The following DCC variants were observed in gnomAD, a reference collection of about 807,000 sequenced individuals.
The protein encoded by DCC is netrin receptor DCC.
A neutral mutation model predicts 172.5 loss-of-function variants in DCC; 58 were observed. The observed-to-expected ratio is 0.34, with a 90% confidence interval of 0.27 to 0.42. The LOEUF is 0.42. Ranked by LOEUF, DCC falls within the 10% of genes least tolerant of loss-of-function variation. The pLI, the probability that DCC is intolerant of heterozygous loss-of-function variation, is 1.00. For missense variants in DCC, 1,740 were observed against 1,791.0 expected (o/e 0.97, Z 0.51); for synonymous variants, 709 against 644.5 (o/e 1.10, Z -1.52).
chr18:53,065,034 T>C (rs926043989), intron 6 of DCC, among the ~76,000 whole-genome samples: 5 of 152,214 alleles, frequency 3.3e-5, no homozygotes, highest in African/African-American at 1.2e-4. Context: ...TATTGCCCGA[T>C]TTGCATTAAA....
At chr18:53,433,100 C>T (rs1911725402) in intron 21 of DCC, among the ~76,000 whole-genome samples, 1 of 152,078 alleles carries the variant, frequency 6.6e-6, no homozygotes, top group Admixed American at 6.6e-5. Flanking sequence ...CATCAATATA[C>T]TAGATTCTGT....
chr18:52,541,650 G>A (rs2032449847), intron 1 of DCC, among the ~76,000 whole-genome samples: 1 of 151,982 alleles, frequency 6.6e-6, no homozygotes, highest in East Asian at 1.9e-4. Flanking sequence ...TCATGGAACA[G>A]CGTGGAGAAC....
chr18:53,383,959 T>A (rs1345548635), intron 15 of DCC, among the ~76,000 whole-genome samples: 1 of 152,164 alleles, frequency 6.6e-6, no homozygotes, highest in Non-Finnish European at 1.5e-5. Context: ...TCTTTGCATA[T>A]ACTGTCATTA....
At chr18:53,181,411 C>CT (rs201013582) in intron 9 of DCC, among the ~76,000 whole-genome samples, 19,203 of 128,934 alleles carry the variant, frequency 0.15, 1,896 homozygotes, top group African/African-American at 0.3. Context: ...AATTTTACTT[C>CT]TTTTTTTTTT....
chr18:52,890,105 ATC>A (rs1485059597), intron 2 of DCC, among the ~76,000 whole-genome samples: 2 of 152,280 alleles, frequency 1.3e-5, no homozygotes, highest in East Asian at 3.9e-4. Flanking sequence ...TCTATGCAAT[ATC>A]AACAAAGAAA....
intron 7 of DCC, among the ~76,000 whole-genome samples, chr18:53,140,197 A>G (rs2144346413): frequency 6.6e-6 from 1 of 152,298 alleles, no homozygotes; most frequent in African/African-American, 2.4e-5. Context: ...GTGTTTCTAT[A>G]AATAAAACTA....
chr18:53,476,114 C>T lies in DCC; in HGVS notation c.3736+8104C>T, dbSNP rs201774120. On this transcript the variant is annotated intron_variant, in intron 25 of 28. Coordinates refer to ENST00000442544, the MANE Select transcript of DCC (RefSeq NM_005215.4). ...TTGGAACGGCTGTATTTACCAAATG[C>T]CTGTAACCCCATTTTATATAGGAAG... 3.3e-5 allele frequency among the ~76,000 whole-genome samples: 5 copies of T among 152,266 alleles called. No homozygotes were observed. In the East Asian group the frequency reaches 9.7e-4, roughly 29 times the overall value.
At chr18:53,075,069 T>C (rs1203402135) in intron 7 of DCC, among the ~76,000 whole-genome samples, 1 of 149,642 alleles carries the variant, frequency 6.7e-6, no homozygotes, top group Non-Finnish European at 1.5e-5. Context: ...ATGGATAAAA[T>C]GATAGCTTTC....
At chr18:52,659,471 C>A (rs757860673) in intron 1 of DCC, among the ~76,000 whole-genome samples, 3 of 152,082 alleles carry the variant, frequency 2.0e-5, no homozygotes, top group Non-Finnish European at 4.4e-5. Context: ...CTCTAATGCC[C>A]TGCTTTTTAT....
intron 3 of DCC, among the ~76,000 whole-genome samples, chr18:52,918,080 T>C (rs2040067351): frequency 6.6e-6 from 1 of 152,158 alleles, no homozygotes; most frequent in South Asian, 2.1e-4. Context: ...AAATATGCCA[T>C]AGATACATAT....
At chr18:53,307,173 T>A (rs2057210679) in intron 13 of DCC, among the ~76,000 whole-genome samples, 1 of 152,178 alleles carries the variant, frequency 6.6e-6, no homozygotes, top group South Asian at 2.1e-4. Context: ...ACTTCCAAAG[T>A]AGATTGCCAA....
chr18:52,415,045 A>G (rs898376745), intron 1 of DCC, among the ~76,000 whole-genome samples: 2 of 152,222 alleles, frequency 1.3e-5, no homozygotes, highest in Non-Finnish European at 2.9e-5. Flanking sequence ...AAAGACTGAC[A>G]TGGGCTTCCC....
intron 11 of DCC, among the ~76,000 whole-genome samples, chr18:53,213,365 C>T (rs990284942): frequency 6.6e-6 from 1 of 152,038 alleles, no homozygotes; most frequent in South Asian, 2.1e-4. Flanking sequence ...TAAGAAGTGA[C>T]TCGGCCGGGC....
intron 15 of DCC, among the ~76,000 whole-genome samples, chr18:53,377,977 TA>T (rs780489318): frequency 2.0e-5 from 3 of 152,192 alleles, no homozygotes; most frequent in Admixed American, 2.0e-4. Context: ...TTAATTAATT[TA>T]TTTTTTTAAG....
chr18:53,017,628 A>G (rs904075544), intron 5 of DCC, among the ~76,000 whole-genome samples: 2 of 152,206 alleles, frequency 1.3e-5, no homozygotes, highest in Admixed American at 6.5e-5. Context: ...ACAATGGTCC[A>G]TAAAGTTATG....
At chr18:52,953,167 T>A (rs2040686055) in intron 5 of DCC, among the ~76,000 whole-genome samples, 1 of 152,178 alleles carries the variant, frequency 6.6e-6, no homozygotes, top group African/African-American at 2.4e-5. Context: ...GATATGCTTA[T>A]CAAATATTTA....
chr18:52,848,383 G>A (rs767205321), intron 2 of DCC, among the ~76,000 whole-genome samples: 13 of 152,096 alleles, frequency 8.5e-5, no homozygotes, highest in African/African-American at 2.9e-4. Context: ...TACCATGCCC[G>A]GCCGACTTTT....
chr18:52,671,021 T>A (rs2035542425), intron 1 of DCC, among the ~76,000 whole-genome samples: 1 of 152,010 alleles, frequency 6.6e-6, no homozygotes, highest in South Asian at 2.1e-4. Flanking sequence ...GACATCGGAG[T>A]TTTTTCCCCT....
At chr18:52,367,494 C>A (rs2144288209) in intron 1 of DCC, among the ~76,000 whole-genome samples, 1 of 152,344 alleles carries the variant, frequency 6.6e-6, no homozygotes. Context: ...GGGATCTCCT[C>A]TTCAGAAGGA....
Sources: allele counts gnomAD v4.1 joint callset (sites outside exome capture counted in the v4.1 genomes callset), GRCh38; gene constraint gnomAD v4.1.1; transcripts MANE v1.5; gene names NCBI Gene and HGNC (gene_info 2026-07-23, HGNC 2026-07-21).